AANAT: variants seen among roughly 807,000 people sequenced by gnomAD.
AANAT encodes serotonin N-acetyltransferase.
A neutral mutation model predicts 15.6 loss-of-function variants in AANAT; 11 were observed. The observed-to-expected ratio is 0.71, with a 90% CI of 0.44 to 1.17. The LOEUF (loss-of-function observed/expected upper bound fraction) is 1.17, where lower values mean the gene tolerates loss of function less well. Ranked by LOEUF, AANAT falls within the 50% of genes most tolerant of loss-of-function variation. The pLI, the probability that AANAT is intolerant of heterozygous loss-of-function variation, is 0.00. For missense variants in AANAT, 286 were observed against 296.3 expected (o/e 0.97, Z 0.26); for synonymous variants, 139 against 131.5 (o/e 1.06, Z -0.39).
exon 1 of AANAT, chr17:76,453,468 G>C: frequency 4.3e-6 from 1 of 230,018 alleles, no homozygotes; most frequent in Non-Finnish European, 8.4e-6. Flanking sequence ...AGTGGTCGGG[G>C]TGGGGCACAG....
chr17:76,466,694 C>A (rs2073441280), upstream of AANAT, among the ~76,000 whole-genome samples: 1 of 152,180 alleles, frequency 6.6e-6, no homozygotes, highest in South Asian at 2.1e-4. Context: ...CCTGTCTGTG[C>A]CTCGGTTTCC....
At chr17:76,453,488 G>C (rs991786603) in exon 1 of AANAT, 11 of 211,116 alleles carry the variant, frequency 5.2e-5, no homozygotes, top group Admixed American at 3.0e-4. Flanking sequence ...GGATGGTGGA[G>C]AGACTGTCAA....
At chr17:76,459,679 A>G (rs2073368996) in intron 2 of AANAT, among the ~76,000 whole-genome samples, 1 of 152,188 alleles carries the variant, frequency 6.6e-6, no homozygotes, top group African/African-American at 2.4e-5. Context: ...GCTGGTCACT[A>G]TGTGACCTTG....
chr17:76,464,448 T>C (rs12940823), upstream of AANAT, among the ~76,000 whole-genome samples: 15,388 of 152,076 alleles, frequency 0.1, 893 homozygotes, highest in Non-Finnish European at 0.13. Flanking sequence ...CTGAACCCCA[T>C]CTGGCATTTG....
At chr17:76,460,538 C>A (rs898585507) in intron 2 of AANAT, among the ~76,000 whole-genome samples, 5 of 152,016 alleles carry the variant, frequency 3.3e-5, no homozygotes, top group African/African-American at 9.7e-5. Flanking sequence ...TGGGCTCAAG[C>A]GATCCTCCTG....
Position 76,459,864 on chromosome 17 carries a change from T to A in AANAT, c.-456+498T>A, listed in dbSNP as rs996643942. Among the ~76,000 whole-genome samples, 5 of 152,352 alleles carry A rather than the reference T, an allele frequency of 3.3e-5. No individual in the cohort carries two copies. The East Asian group carries it at 9.6e-4, about 29-fold the overall frequency. On this transcript the variant is annotated intron_variant, in intron 2 of 6. Coordinates refer to the AANAT transcript ENST00000250615. ...CATTAGCTTTTCTTAGGAATTCATT[T>A]CCATCTCTTGCCTAGACCTCGGCTG...
rs2073507623 is a variant in AANAT at position 76,469,997 on chromosome 17, A to G, written c.*27A>G. ...CTGGGCTGCCCACCTGGCTGCCAACATGATCCCCGTCTCTGCCCTGGGCTC... is the reference window on the plus strand; with the variant it reads ...CTGGGCTGCCCACCTGGCTGCCAACGTGATCCCCGTCTCTGCCCTGGGCTC... On this transcript the variant is annotated 3_prime_UTR_variant, in exon 4 of 4. Coordinates refer to ENST00000392492, the MANE Select transcript of AANAT (RefSeq NM_001088.3). This position sits in a 1 kb window ranked among gnomAD's most constrained non-coding sequence, Gnocchi z 5.2. 1.4e-6 allele frequency: 2 copies of G among 1,449,928 alleles called. No individual in the cohort carries two copies. The highest frequency in any genetic ancestry group is 9.1e-7 in the Non-Finnish European group (1 of 1,097,536). 89.8% of individuals were successfully genotyped at this position (1,449,928 alleles called of 1,614,324 possible). A position where few individuals can be genotyped will look rare whatever the true frequency, so the allele number is the denominator to read the frequency against.
chr17:76,464,526 G>A (rs1004052122), upstream of AANAT, among the ~76,000 whole-genome samples: 1 of 152,036 alleles, frequency 6.6e-6, no homozygotes, highest in Non-Finnish European at 1.5e-5. Flanking sequence ...GGACCCCTGA[G>A]GGGAGCCATC....
chr17:76,463,696 C>G (rs1172535560), upstream of AANAT, among the ~76,000 whole-genome samples: 1 of 152,140 alleles, frequency 6.6e-6, no homozygotes, highest in Non-Finnish European at 1.5e-5. Context: ...ATTTCAGGCT[C>G]TATCTGCCCC....
At position 76,468,859 on chromosome 17, in the gene AANAT, G is replaced by A. The variant is rs551960202; in HGVS notation, c.113G>A (p.Arg38His). The A allele has an allele frequency of 3.2e-5, 51 of 1,613,482 alleles. No homozygotes were observed. In the South Asian group the frequency reaches 4.0e-4, roughly 13 times the overall value. Reference protein sequence around the residue: ...RRHTLPASEFRCLTPEDAVSA... With the variant: ...RRHTLPASEFHCLTPEDAVSA... ...CACACACTCCCTGCCAGTGAGTTTC[G>A]CTGCCTCACCCCGGAGGACGCTGTC... Residue 38 changes from arginine (R) to histidine (H), a missense_variant, in exon 2 of 4, where the codon CGC (arginine) becomes CAC (histidine). Transcript: ENST00000392492.
rs1443511671 is a variant in AANAT, at chr17:76,468,697, G to A, written c.-50G>A. 1 of 1,572,792 alleles carries A rather than the reference G, an allele frequency of 6.4e-7. No homozygotes were observed. The highest frequency in any genetic ancestry group is 1.4e-5 in the African/African-American group (1 of 74,042). Reference sequence around the variant, plus strand: ...GTGCTGGGAGGCCCTCCTTGGCTTAGGAGGACACTTCCAAAGCTGGGGCGC... The same window carrying A: ...GTGCTGGGAGGCCCTCCTTGGCTTAAGAGGACACTTCCAAAGCTGGGGCGC... On this transcript the variant is annotated 5_prime_UTR_variant, in exon 2 of 4. Transcript: ENST00000392492.
chr17:76,465,688 CCTT>C (rs375717562), upstream of AANAT, among the ~76,000 whole-genome samples: 950 of 151,898 alleles, frequency 6.3e-3, 4 homozygotes, highest in African/African-American at 0.017. Context: ...CCCTCACCCT[CCTT>C]ATTTTCCTTC....
rs561954420 is a variant in AANAT at position 76,454,088 on chromosome 17, G to A, written c.-576+306G>A. Among the ~76,000 whole-genome samples the A allele has an allele frequency of 2.0e-5, 3 of 152,322 alleles. No homozygotes were observed. The East Asian group carries it at 5.8e-4, about 29-fold the overall frequency. On this transcript the variant is annotated intron_variant, in intron 1 of 6. Coordinates refer to the AANAT transcript ENST00000250615. ...GCCTGGCATTTAGCTCCTTCGATAAGCTTAACCATTGTTGTACTATTTCCA... is the reference window on the plus strand; with the variant it reads ...GCCTGGCATTTAGCTCCTTCGATAAACTTAACCATTGTTGTACTATTTCCA...
intron 1 of AANAT, among the ~76,000 whole-genome samples, chr17:76,456,154 A>G (rs753295403): frequency 1.3e-5 from 2 of 151,918 alleles, no homozygotes; most frequent in Non-Finnish European, 2.9e-5. Context: ...CAACATGGAG[A>G]AACCCCATCT....
At chr17:76,463,604 G>C (rs35720705), upstream of AANAT, among the ~76,000 whole-genome samples, 6 of 151,836 alleles carry the variant, frequency 4.0e-5, no homozygotes, top group Admixed American at 2.6e-4. Context: ...CACCGTGCCC[G>C]GCCTTTTCTG....
intron 2 of AANAT, among the ~76,000 whole-genome samples, chr17:76,460,933 G>C (rs968891299): frequency 2.6e-5 from 4 of 152,124 alleles, no homozygotes; most frequent in Non-Finnish European, 5.9e-5. Flanking sequence ...GGGAGGCTGA[G>C]GGGGGCAGAT....
intron 1 of AANAT, among the ~76,000 whole-genome samples, chr17:76,453,937 TA>T (rs540708724): frequency 1.7e-3 from 254 of 152,372 alleles, no homozygotes; most frequent in Non-Finnish European, 3.1e-3. Flanking sequence ...TGCCACTTAC[TA>T]ATCTATAAAA....
At chr17:76,453,405 G>A in exon 1 of AANAT, 1 of 298,336 alleles carries the variant, frequency 3.4e-6, no homozygotes, top group East Asian at 5.6e-5. Flanking sequence ...AAGGGAGCGA[G>A]AAGGGGCGGG....
intron 2 of AANAT, among the ~76,000 whole-genome samples, chr17:76,460,947 T>A (rs2073382534): frequency 6.6e-6 from 1 of 152,054 alleles, no homozygotes; most frequent in African/African-American, 2.4e-5. Flanking sequence ...GGCAGATTGT[T>A]TGAGGTCAGG....
Sources: gnomAD v4.1 joint callset for allele counts (sites outside exome capture counted in the v4.1 genomes callset) on GRCh38, gnomAD v4.1.1 for gene constraint, Gnocchi (gnomAD v3.1) non-coding constraint, MANE v1.5 for transcripts, NCBI Gene and HGNC (gene_info 2026-07-23, HGNC 2026-07-21) for gene names.